LOC400499: variants seen among roughly 807,000 people sequenced by gnomAD.
chr16:11,493,127 T>C, the LOC400499 span, among the ~76,000 whole-genome samples: 1 of 152,032 alleles, frequency 6.6e-6, no homozygotes, highest in Non-Finnish European at 1.5e-5. Flanking sequence ...CCTCAGGGCC[T>C]GGGAAGTCAA....
chr16:11,392,228 C>T, the LOC400499 span: 1 of 399,014 alleles, frequency 2.5e-6, no homozygotes, highest in Non-Finnish European at 4.4e-6. Flanking sequence ...ACAGCTGGAC[C>T]CCAAGGGCTC....
At chr16:11,503,807 G>T in the LOC400499 span, among the ~76,000 whole-genome samples, 1 of 152,230 alleles carries the variant, frequency 6.6e-6, no homozygotes, top group African/African-American at 2.4e-5. Context: ...GGACCCACAA[G>T]CCAGCCCCTG....
At chr16:11,412,477 C>G in the LOC400499 span, among the ~76,000 whole-genome samples, 2 of 152,246 alleles carry the variant, frequency 1.3e-5, no homozygotes, top group African/African-American at 4.8e-5. Flanking sequence ...TCCCTCACTG[C>G]TGAGACCTGA....
At chr16:11,523,611 T>G in the LOC400499 span, 3 of 394,984 alleles carry the variant, frequency 7.6e-6, no homozygotes, top group Non-Finnish European at 1.3e-5. Flanking sequence ...TTGCAAAATG[T>G]CCTCAGGGGA....
the LOC400499 span, among the ~76,000 whole-genome samples, chr16:11,518,100 C>A: frequency 6.6e-6 from 1 of 152,130 alleles, no homozygotes; most frequent in Non-Finnish European, 1.5e-5. Context: ...GAAGTGACAA[C>A]CCCTGGCCCC....
the LOC400499 span, among the ~76,000 whole-genome samples, chr16:11,507,706 A>C: frequency 0.093 from 14,181 of 152,198 alleles, 1,898 homozygotes; most frequent in African/African-American, 0.3. Context: ...CTGAGGTGGG[A>C]GGACTGTTTG....
the LOC400499 span, among the ~76,000 whole-genome samples, chr16:11,476,088 C>T: frequency 6.7e-6 from 1 of 148,654 alleles, no homozygotes; most frequent in East Asian, 2.0e-4. Flanking sequence ...TGCAAAGGCC[C>T]TGGGGTAGGA....
the LOC400499 span, among the ~76,000 whole-genome samples, chr16:11,436,213 G>A: frequency 6.6e-5 from 10 of 152,186 alleles, no homozygotes; most frequent in South Asian, 4.1e-4. Flanking sequence ...AACTCGTGCT[G>A]GTGCCTGAAG....
chr16:11,502,685 G>T, the LOC400499 span, among the ~76,000 whole-genome samples: 2 of 151,444 alleles, frequency 1.3e-5, no homozygotes, highest in Non-Finnish European at 2.9e-5. Context: ...CGCAATCTCG[G>T]CTCACGGCAA....
the LOC400499 span, among the ~76,000 whole-genome samples, chr16:11,461,427 C>T: frequency 3.3e-4 from 50 of 152,292 alleles, no homozygotes; most frequent in African/African-American, 1.1e-3. Context: ...CACTATGTTG[C>T]CCAGGCTGGT....
chr16:11,398,563 G>A, the LOC400499 span: 1 of 1,213,446 alleles, frequency 8.2e-7, no homozygotes, highest in Non-Finnish European at 1.0e-6. Context: ...GAATGCCCAT[G>A]GCCAGCTGCA....
the LOC400499 span, among the ~76,000 whole-genome samples, chr16:11,376,865 C>G: frequency 1.3e-5 from 2 of 151,844 alleles, no homozygotes; most frequent in Non-Finnish European, 2.9e-5. Context: ...CTCTGGGACT[C>G]TACATCCTGC....
chr16:11,397,757 TGGAGGGAGGGAGGGATGGAGGGAG>T, the LOC400499 span, among the ~76,000 whole-genome samples: 38 of 16,142 alleles, frequency 2.4e-3, no homozygotes, highest in African/African-American at 4.3e-3. Context: ...GAGGGAGGGA[TGGAGGGAGGGAGGGATGGAGGGAG>T]GGAGGGAGGG....
At chr16:11,462,589 A>AT in the LOC400499 span, 9 of 238,890 alleles carry the variant, frequency 3.8e-5, no homozygotes, top group Non-Finnish European at 5.4e-5. Context: ...CACCCGGCTA[A>AT]TTTTTTTATT....
At chr16:11,472,870 G>A in the LOC400499 span, 2 of 152,154 alleles carry the variant, frequency 1.3e-5, no homozygotes, top group Non-Finnish European at 2.9e-5. Flanking sequence ...GCTCACACCT[G>A]TAATCCCAGA....
chr16:11,460,179 C>A, the LOC400499 span: 1 of 864,622 alleles, frequency 1.2e-6, no homozygotes, highest in East Asian at 3.2e-5. Flanking sequence ...CTGTAGAAAG[C>A]ACTATTTTTT....
At chr16:11,425,034 T>C in the LOC400499 span, 1 of 397,996 alleles carries the variant, frequency 2.5e-6, no homozygotes, top group Non-Finnish European at 4.4e-6. Context: ...AATGTGAATT[T>C]GGGGGTTGGA....
the LOC400499 span, chr16:11,372,680 T>A: frequency 1.7e-5 from 15 of 893,744 alleles, no homozygotes; most frequent in Non-Finnish European, 2.0e-5. Context: ...GGAATTGCAG[T>A]AGAAGGTGAA....
the LOC400499 span, among the ~76,000 whole-genome samples, chr16:11,381,833 TTTC>T: frequency 6.6e-6 from 1 of 152,192 alleles, no homozygotes; most frequent in African/African-American, 2.4e-5. Context: ...TTTAGGACCT[TTTC>T]TTTGTTTTTT....
Sources: allele counts gnomAD v4.1 joint callset (sites outside exome capture counted in the v4.1 genomes callset), GRCh38; gene constraint gnomAD v4.1.1; transcripts MANE v1.5.